The following MAPKBP1 variants were observed in gnomAD, a reference collection of about 807,000 sequenced individuals.
MAPKBP1 encodes the protein mitogen-activated protein kinase-binding protein 1.
Under a neutral mutation model 170.5 loss-of-function variants are expected in MAPKBP1, and 71 were observed. That is an observed-to-expected ratio of 0.42 (90% CI 0.34 to 0.51). MAPKBP1 has a LOEUF of 0.51. Among genes scored for constraint, MAPKBP1 ranks in the 20% least tolerant of loss-of-function variants. The probability of loss-of-function intolerance (pLI) is 0.06; values close to 1 mark genes in which losing one functional copy is unlikely to be tolerated. For missense variants in MAPKBP1, 1,598 were observed against 1,933.0 expected, an observed-to-expected ratio of 0.83 and a Z score of 3.25; for synonymous variants, 719 against 757.9, an observed-to-expected ratio of 0.95 and a Z score of 0.84.
intron 3 of MAPKBP1, among the ~76,000 whole-genome samples, chr15:41,810,355 C>T (rs1242439016): frequency 6.6e-6 from 1 of 152,008 alleles, no homozygotes; most frequent in Non-Finnish European, 1.5e-5. Flanking sequence ...GGAACCCTTT[C>T]ACCCTCATGG....
intron 2 of MAPKBP1, among the ~76,000 whole-genome samples, chr15:41,776,314 C>T (rs970063840): frequency 1.3e-5 from 2 of 152,222 alleles, no homozygotes; most frequent in Admixed American, 6.5e-5. Context: ...TGTATCTCTT[C>T]AGTGATGAGT....
chr15:41,784,607 C>T (rs1372821911), intron 2 of MAPKBP1, among the ~76,000 whole-genome samples: 1 of 151,828 alleles, frequency 6.6e-6, no homozygotes, highest in African/African-American at 2.4e-5. Flanking sequence ...CATGCTGAAA[C>T]CCCGTCTCTA....
rs1252214698 is a variant in MAPKBP1 at position 41,775,407 on chromosome 15, C to T, written c.114+18C>T. On this transcript the variant is annotated intron_variant, in intron 2 of 30. Transcript: ENST00000457542. Reference sequence around the variant, plus strand: ...GCTCCAAGGTGAGTCCTGTTGGGATCCACCTCTTTCCAAACCCACCCTCTC... The same window carrying T: ...GCTCCAAGGTGAGTCCTGTTGGGATTCACCTCTTTCCAAACCCACCCTCTC... The T allele has an allele frequency of 6.4e-7, 1 of 1,571,674 alleles. No individual in the cohort carries two copies. Among genetic ancestry groups the T allele is most frequent in the Non-Finnish European group, 8.8e-7 (1 of 1,141,364 alleles).
At chr15:41,794,287 A>G (rs558825779) in intron 2 of MAPKBP1, among the ~76,000 whole-genome samples, 8 of 152,328 alleles carry the variant, frequency 5.3e-5, no homozygotes, top group South Asian at 4.1e-4. Context: ...TTCCCTCCAC[A>G]TTGCCAGATC....
At chr15:41,786,521 T>C (rs1309255497) in intron 2 of MAPKBP1, among the ~76,000 whole-genome samples, 1 of 151,680 alleles carries the variant, frequency 6.6e-6, no homozygotes, top group Admixed American at 6.6e-5. Context: ...TCCCAGCACT[T>C]TGGGAGGCCA....
At chr15:41,815,566 C>A in intron 11 of MAPKBP1, 58 bp from the exon 12 acceptor site, 4 of 1,570,256 alleles carry the variant, frequency 2.5e-6, no homozygotes, top group Non-Finnish European at 3.5e-6. Context: ...CTTTCTTGCC[C>A]CTTGCAGCTG....
At chr15:41,794,826 G>A (rs2064458858) in intron 2 of MAPKBP1, among the ~76,000 whole-genome samples, 1 of 152,176 alleles carries the variant, frequency 6.6e-6, no homozygotes, top group South Asian at 2.1e-4. Flanking sequence ...GGACAGAGAT[G>A]TAATCAATGT....
chr15:41,775,243 G>C lies in MAPKBP1; in HGVS notation c.-33G>C, dbSNP rs1169493669. On this transcript the variant is annotated 5_prime_UTR_variant, in exon 2 of 31. Coordinates refer to ENST00000457542, the MANE Select transcript of MAPKBP1 (RefSeq NM_014994.3). ...CTGTTGAGACAAGACCCAGGACTGGGCCGGGGACTGTCCCAAAGGGTTTCT... is the reference window on the plus strand; with the variant it reads ...CTGTTGAGACAAGACCCAGGACTGGCCCGGGGACTGTCCCAAAGGGTTTCT... 1 of 1,563,866 alleles carries C rather than the reference G, an allele frequency of 6.4e-7. No homozygotes were observed. Among genetic ancestry groups the C allele is most frequent in the East Asian group, 2.2e-5 (1 of 44,608 alleles).
intron 2 of MAPKBP1, among the ~76,000 whole-genome samples, chr15:41,790,778 A>G (rs1385798881): frequency 1.3e-5 from 2 of 152,200 alleles, no homozygotes; most frequent in Non-Finnish European, 2.9e-5. Context: ...TCAGCTGGCC[A>G]TTGTGCCCCT....
chr15:41,818,516 C>T lies in MAPKBP1; in HGVS notation c.2093-3C>T. 3 of 1,612,082 alleles carry T rather than the reference C, an allele frequency of 1.9e-6. No homozygotes were observed. The highest frequency in any genetic ancestry group is 1.1e-5 in the South Asian group (1 of 90,736). On this transcript the variant is annotated splice_region_variant and splice_polypyrimidine_tract_variant and intron_variant, in intron 18 of 30. Transcript: ENST00000457542. This position sits in a 1 kb window ranked among gnomAD's most constrained non-coding sequence, Gnocchi z 5.2. The stretch of plus-strand genomic sequence containing the variant: ...TATAGACCGTATTCTTTGTTCTTCA[C>T]AGAGATTGTCACTGGCATGAAATTT...
At chr15:41,811,780 A>G (rs1567147965) in intron 5 of MAPKBP1, 177 bp from the exon 6 acceptor site, 1 of 732,296 alleles carries the variant, frequency 1.4e-6, no homozygotes, top group East Asian at 2.7e-5. Context: ...CTTCCTGGTA[A>G]TCACTGTTGC....
chr15:41,819,547 C>CCG lies in MAPKBP1; in HGVS notation c.2426-48_2426-47insCG. 4.9e-6 allele frequency: 6 copies of CCG among 1,228,202 alleles called. No individual in the cohort carries two copies. In the South Asian group the frequency reaches 5.6e-5, roughly 11 times the overall value. 76.1% of individuals were successfully genotyped at this position (1,228,202 alleles called of 1,614,324 possible). On this transcript the variant is annotated intron_variant, in intron 21 of 30. Coordinates refer to ENST00000457542, the MANE Select transcript of MAPKBP1 (RefSeq NM_014994.3). Reference sequence around the variant, plus strand: ...GGGCCAGGGCTCCAGGGTTGGGTGGCGGGGGGGGGGCAGGAGACACTTCCT... The same window carrying CCG: ...GGGCCAGGGCTCCAGGGTTGGGTGGCCGGGGGGGGGGGCAGGAGACACTTCCT...
chr15:41,784,893 TAA>T (rs35451237), intron 2 of MAPKBP1, among the ~76,000 whole-genome samples: 13 of 105,648 alleles, frequency 1.2e-4, no homozygotes, highest in African/African-American at 7.7e-5. Context: ...ACCCTATCTG[TAA>T]AAAAAAAAAA....
intron 2 of MAPKBP1, among the ~76,000 whole-genome samples, chr15:41,781,968 G>A (rs1166077762): frequency 6.6e-6 from 1 of 151,886 alleles, no homozygotes; most frequent in Non-Finnish European, 1.5e-5. Context: ...TGAAATACAG[G>A]CCGGGCGCAG....
chr15:41,808,387 G>C (rs566331634), intron 3 of MAPKBP1, among the ~76,000 whole-genome samples: 3 of 150,480 alleles, frequency 2.0e-5, no homozygotes, highest in African/African-American at 7.3e-5. Context: ...TTACAGGCGT[G>C]AGCCACCACT....
At chr15:41,786,346 AAAAT>A (rs1448346712) in intron 2 of MAPKBP1, among the ~76,000 whole-genome samples, 31 of 152,192 alleles carry the variant, frequency 2.0e-4, no homozygotes, top group Admixed American at 2.0e-3. Context: ...AAGTAGAAAA[AAAAT>A]AAAGATGGAA....
chr15:41,814,774 A>G (rs1271181216), intron 10 of MAPKBP1, 35 bp downstream of exon 10: 1 of 1,609,022 alleles, frequency 6.2e-7, no homozygotes, highest in African/African-American at 1.3e-5. Flanking sequence ...GAGACTGGCC[A>G]GGTTGGCTGG....
chr15:41,786,778 ATATATAT>A (rs1273454350), intron 2 of MAPKBP1, among the ~76,000 whole-genome samples: 586 of 29,462 alleles, frequency 0.02, 64 homozygotes, highest in East Asian at 0.17. Flanking sequence ...AAAAAAAAAA[ATATATAT>A]ATATATATAT....
At chr15:41,776,720 G>T (rs543707570) in intron 2 of MAPKBP1, among the ~76,000 whole-genome samples, 7 of 152,212 alleles carry the variant, frequency 4.6e-5, no homozygotes, top group Non-Finnish European at 1.0e-4. Flanking sequence ...GGCCAGGAAT[G>T]ATATATGTAG....
Sources: gnomAD v4.1 joint callset for allele counts (sites outside exome capture counted in the v4.1 genomes callset) on GRCh38, gnomAD v4.1.1 for gene constraint, Gnocchi (gnomAD v3.1) non-coding constraint, MANE v1.5 for transcripts, NCBI Gene and HGNC (gene_info 2026-07-23, HGNC 2026-07-21) for gene names.